Variants in SPAG16 observed in about 807,000 individuals in gnomAD.
The protein encoded by SPAG16 is sperm associated antigen 16.
A neutral mutation model predicts 80.4 loss-of-function variants in SPAG16; 86 were observed. The ratio of observed to expected loss-of-function variants is 1.07; its 90% CI spans 0.90 to 1.28. SPAG16 has a LOEUF of 1.28. SPAG16 is among the 50% of genes most tolerant of loss of function. SPAG16 has a pLI of 0.00. For synonymous variants in SPAG16, 294 were observed against 265.9 expected, an observed-to-expected ratio of 1.11 and a Z score of -1.03; for missense variants, 870 against 765.3, an observed-to-expected ratio of 1.14 and a Z score of -1.61.
intron 10 of SPAG16, among the ~76,000 whole-genome samples, chr2:213,747,436 C>T (rs2067877582): frequency 6.6e-6 from 1 of 152,112 alleles, no homozygotes; most frequent in South Asian, 2.1e-4. Context: ...GCGTCCTAGG[C>T]CTTCACATTT....
intron 10 of SPAG16, among the ~76,000 whole-genome samples, chr2:213,683,943 T>C (rs1446335861): frequency 6.6e-6 from 1 of 152,242 alleles, no homozygotes; most frequent in Non-Finnish European, 1.5e-5. Context: ...TGTCAGAGTA[T>C]TCTAACTTGA....
intron 10 of SPAG16, among the ~76,000 whole-genome samples, chr2:213,674,756 T>G (rs2063975096): frequency 6.6e-6 from 1 of 150,560 alleles, no homozygotes; most frequent in Non-Finnish European, 1.5e-5. Flanking sequence ...GGTGTATATG[T>G]GCCACATTTT....
At chr2:214,272,860 T>C (rs1031084164) in intron 15 of SPAG16, among the ~76,000 whole-genome samples, 2 of 120,550 alleles carry the variant, frequency 1.7e-5, no homozygotes, top group African/African-American at 2.5e-5. Flanking sequence ...CCCTGAGGAA[T>C]CACCACACTG....
intron 9 of SPAG16, among the ~76,000 whole-genome samples, chr2:213,390,487 A>G (rs1180227789): frequency 6.6e-6 from 1 of 152,232 alleles, no homozygotes; most frequent in Non-Finnish European, 1.5e-5. Context: ...GGATACATAA[A>G]CATTGCAGTA....
intron 11 of SPAG16, among the ~76,000 whole-genome samples, chr2:213,894,859 A>G (rs556023425): frequency 6.6e-6 from 1 of 151,656 alleles, no homozygotes; most frequent in Admixed American, 6.6e-5. Context: ...GCTTGGTGGC[A>G]TGTGCCTGTA....
intron 15 of SPAG16, among the ~76,000 whole-genome samples, chr2:214,180,002 C>A (rs2057260606): frequency 6.6e-6 from 1 of 151,420 alleles, no homozygotes; most frequent in African/African-American, 2.4e-5. Context: ...TTATATAAAA[C>A]CTCTTAGATA....
intron 9 of SPAG16, among the ~76,000 whole-genome samples, chr2:213,478,605 A>G (rs2073563959): frequency 6.6e-6 from 1 of 152,164 alleles, no homozygotes; most frequent in Non-Finnish European, 1.5e-5. Flanking sequence ...GTTTCTCTTT[A>G]GGAACTTTGA....
At chr2:213,404,844 T>A (rs549580460) in intron 9 of SPAG16, among the ~76,000 whole-genome samples, 9 of 132,544 alleles carry the variant, frequency 6.8e-5, no homozygotes, top group African/African-American at 1.7e-4. Flanking sequence ...TTCTTTAAAA[T>A]TTTTTTTTAA....
chr2:213,618,028 A>G (rs1215536898), intron 10 of SPAG16, among the ~76,000 whole-genome samples: 3 of 152,166 alleles, frequency 2.0e-5, no homozygotes, highest in African/African-American at 7.2e-5. Context: ...TAGTTATTGA[A>G]TTGTTTAATT....
intron 12 of SPAG16, among the ~76,000 whole-genome samples, chr2:213,980,568 TAG>T (rs1475159036): frequency 2.1e-5 from 3 of 142,108 alleles, no homozygotes; most frequent in Non-Finnish European, 3.0e-5. Flanking sequence ...TGTGTATATA[TAG>T]AGAGTATATG....
At chr2:213,534,072 A>G (rs573640741) in intron 10 of SPAG16, among the ~76,000 whole-genome samples, 51 of 152,188 alleles carry the variant, frequency 3.4e-4, no homozygotes, top group African/African-American at 1.2e-3. Context: ...GCACATCTAC[A>G]GTAGTTTTTA....
Position 213,883,369 on chromosome 2 carries a change from TG to T in SPAG16, c.1214+20742del, listed in dbSNP as rs1168284630. ...TTTTTATTGCTCTGTTGTCTGAGAG[TG>T]TGCTTGACTCCCAGATGATTTTAAT... is the stretch of plus-strand genomic sequence containing the variant. On this transcript the variant is annotated intron_variant, in intron 11 of 15. Coordinates refer to ENST00000331683, the MANE Select transcript of SPAG16 (RefSeq NM_024532.5). Among the ~76,000 whole-genome samples, 3 of 152,302 alleles carry T rather than the reference TG, an allele frequency of 2.0e-5. No homozygotes were observed. The South Asian group carries it at 6.2e-4, about 32-fold the overall frequency.
Position 213,573,365 on chromosome 2 carries a change from T to A in SPAG16, c.1070+83275T>A, listed in dbSNP as rs1308710327. Among the ~76,000 whole-genome samples the A allele has an allele frequency of 3.3e-5, 5 of 152,218 alleles. No homozygotes were observed. In the East Asian group the frequency reaches 9.6e-4, roughly 29 times the overall value. Reference sequence around the variant, plus strand: ...TCATTTTTATTTCTCTGTGATAATTTTTGACATCTCTCTGTTCTTCAACAG... The same window carrying A: ...TCATTTTTATTTCTCTGTGATAATTATTGACATCTCTCTGTTCTTCAACAG... On this transcript the variant is annotated intron_variant, in intron 10 of 15. Transcript: ENST00000331683.
intron 10 of SPAG16, among the ~76,000 whole-genome samples, chr2:213,576,453 C>T (rs2060128823): frequency 6.6e-6 from 1 of 152,092 alleles, no homozygotes; most frequent in Non-Finnish European, 1.5e-5. Context: ...TAACATTTGA[C>T]CCAGCAATCC....
chr2:213,711,816 G>A (rs1010816906), intron 10 of SPAG16, among the ~76,000 whole-genome samples: 19 of 151,938 alleles, frequency 1.3e-4, no homozygotes, highest in South Asian at 2.1e-4. Flanking sequence ...CACCACGCCC[G>A]ACCCGTTCTT....
At chr2:213,797,128 GTA>G (rs766213012) in intron 10 of SPAG16, among the ~76,000 whole-genome samples, 17 of 151,828 alleles carry the variant, frequency 1.1e-4, no homozygotes, top group Non-Finnish European at 2.1e-4. Flanking sequence ...GCTGTACAAT[GTA>G]TGTTTTAAGC....
At chr2:213,836,539 A>G (rs1237322962) in intron 10 of SPAG16, among the ~76,000 whole-genome samples, 4 of 151,998 alleles carry the variant, frequency 2.6e-5, no homozygotes, top group Non-Finnish European at 5.9e-5. Flanking sequence ...GCTCTTTATA[A>G]AATTTTTCTT....
chr2:214,171,466 T>G (rs2056865495), intron 15 of SPAG16, among the ~76,000 whole-genome samples: 1 of 152,018 alleles, frequency 6.6e-6, no homozygotes, highest in South Asian at 2.1e-4. Flanking sequence ...GTTTATATAT[T>G]TTATAACATC....
chr2:213,665,352 AAGT>A (rs762712121), intron 10 of SPAG16, among the ~76,000 whole-genome samples: 1 of 152,106 alleles, frequency 6.6e-6, no homozygotes, highest in African/African-American at 2.4e-5. Flanking sequence ...TTATGATATT[AAGT>A]ATTCCATGCT....
Sources: allele counts gnomAD v4.1 joint callset (sites outside exome capture counted in the v4.1 genomes callset), GRCh38; gene constraint gnomAD v4.1.1; transcripts MANE v1.5; gene names NCBI Gene and HGNC (gene_info 2026-07-23, HGNC 2026-07-21).